SLC10A7: variants seen among roughly 807,000 people sequenced by gnomAD.
SLC10A7 encodes sodium/bile acid cotransporter 7.
SLC10A7 carries 29 observed loss-of-function variants against 43.2 expected under a neutral mutation model. That is an observed-to-expected ratio of 0.67 (90% CI 0.50 to 0.92). The LOEUF (loss-of-function observed/expected upper bound fraction) is 0.92, where lower values mean the gene tolerates loss of function less well. SLC10A7 is among the 40% of genes least tolerant of loss of function. The pLI is 0.00. For missense variants in SLC10A7, 295 were observed against 403.2 expected (o/e 0.73, Z 2.30); for synonymous variants, 152 against 144.8 (o/e 1.05, Z -0.35).
chr4:146,381,077 A>G (rs1381337180), intron 5 of SLC10A7, among the ~76,000 whole-genome samples: 2 of 152,080 alleles, frequency 1.3e-5, no homozygotes, highest in Non-Finnish European at 1.5e-5. Flanking sequence ...TAAAGCCCAT[A>G]CAATTTGGGG....
intron 9 of SLC10A7, among the ~76,000 whole-genome samples, chr4:146,288,206 T>C (rs776716977): frequency 1.3e-5 from 2 of 152,178 alleles, no homozygotes; most frequent in African/African-American, 2.4e-5. Context: ...TCCTCCTCAA[T>C]AGGGTTGACT....
intron 5 of SLC10A7, among the ~76,000 whole-genome samples, chr4:146,403,910 T>C (rs1268555332): frequency 6.6e-6 from 1 of 152,346 alleles, no homozygotes; most frequent in Middle Eastern, 3.4e-3. Context: ...AAGTCCATGA[T>C]GGCTTTGATA....
intron 9 of SLC10A7, among the ~76,000 whole-genome samples, chr4:146,287,214 G>T (rs972555156): frequency 5.3e-5 from 8 of 152,152 alleles, no homozygotes; most frequent in African/African-American, 1.9e-4. Context: ...TTGGACTGGT[G>T]AGAAGGACCG....
chr4:146,495,969 A>G (rs1327651111), intron 4 of SLC10A7, among the ~76,000 whole-genome samples: 1 of 152,230 alleles, frequency 6.6e-6, no homozygotes, highest in Non-Finnish European at 1.5e-5. Flanking sequence ...TTGCATTAAA[A>G]GAAGTACACT....
At position 146,293,176 on chromosome 4, in the gene SLC10A7, T is replaced by TC. The variant is rs1730557912; in HGVS notation, c.722-197dup. On this transcript the variant is annotated intron_variant, in intron 8 of 11. Coordinates refer to ENST00000335472, the MANE Select transcript of SLC10A7 (RefSeq NM_001029998.6). ...ACTCAGTCTGTTCTTATTGATGATA[T>TC]CCCCAGAAACAGTCTTTGTTATTGA... Among the ~76,000 whole-genome samples the TC allele has an allele frequency of 2.6e-5, 4 of 152,322 alleles. No homozygotes were observed. In the South Asian group the frequency reaches 8.3e-4, roughly 32 times the overall value.
At chr4:146,292,194 T>C (rs1458813661) in intron 9 of SLC10A7, among the ~76,000 whole-genome samples, 1 of 152,170 alleles carries the variant, frequency 6.6e-6, no homozygotes, top group Non-Finnish European at 1.5e-5. Flanking sequence ...ATAAACTTCA[T>C]TCTATAGGCA....
intron 5 of SLC10A7, among the ~76,000 whole-genome samples, chr4:146,364,504 AT>A (rs1260344005): frequency 6.6e-6 from 1 of 152,130 alleles, no homozygotes; most frequent in East Asian, 1.9e-4. Context: ...GGAAGACATT[AT>A]GATAAGTGAA....
At chr4:146,458,399 C>T (rs1177642059) in intron 4 of SLC10A7, among the ~76,000 whole-genome samples, 6 of 151,612 alleles carry the variant, frequency 4.0e-5, no homozygotes, top group Admixed American at 1.3e-4. Context: ...AAATCAGGAA[C>T]AAAGTTAGGA....
intron 5 of SLC10A7, among the ~76,000 whole-genome samples, chr4:146,398,609 T>C (rs1739001670): frequency 6.6e-6 from 1 of 152,200 alleles, no homozygotes; most frequent in South Asian, 2.1e-4. Context: ...CACAGCATGC[T>C]GGAATTACTA....
rs556274340 is a variant in SLC10A7 at position 146,318,418 on chromosome 4, C to T, written c.471+7543G>A. On this transcript the variant is annotated intron_variant, in intron 6 of 11. Transcript: ENST00000335472. ...GCAACTGAAGTAGTTGATCACTCTC[C>T]CCTTTTTGAAACACATTCTCTGCTA... is the stretch of plus-strand genomic sequence containing the variant. Among the ~76,000 whole-genome samples, 423 of 152,082 alleles carry T rather than the reference C, an allele frequency of 2.8e-3. 1 individual carries two copies. The highest frequency in any genetic ancestry group is 9.6e-3 in the African/African-American group (397 of 41,510).
At chr4:146,330,939 G>A (rs904247578) in intron 5 of SLC10A7, among the ~76,000 whole-genome samples, 4 of 152,042 alleles carry the variant, frequency 2.6e-5, no homozygotes, top group African/African-American at 9.7e-5. Flanking sequence ...AAGCAATTTA[G>A]GGCAGGTCTC....
At chr4:146,515,036 G>A (rs1042654380) in intron 2 of SLC10A7, 11 of 681,450 alleles carry the variant, frequency 1.6e-5, no homozygotes, top group Non-Finnish European at 2.7e-5. Flanking sequence ...GGTTTCTTAG[G>A]TGCTTACAAA....
intron 4 of SLC10A7, among the ~76,000 whole-genome samples, chr4:146,464,620 T>A (rs188098414): frequency 6.6e-6 from 1 of 151,996 alleles, no homozygotes; most frequent in Admixed American, 6.5e-5. Context: ...ATTATGTTCA[T>A]GTGATAATGT....
intron 4 of SLC10A7, among the ~76,000 whole-genome samples, chr4:146,492,636 C>G (rs755515952): frequency 6.6e-6 from 1 of 152,166 alleles, no homozygotes; most frequent in Non-Finnish European, 1.5e-5. Flanking sequence ...TCCCAAAGTG[C>G]TGGGATTACA....
chr4:146,483,512 T>C (rs1734664161), intron 4 of SLC10A7, among the ~76,000 whole-genome samples: 11 of 151,390 alleles, frequency 7.3e-5, no homozygotes, highest in Admixed American at 7.2e-4. Flanking sequence ...AGTATAGCAA[T>C]ATAGAAAATG....
chr4:146,393,331 C>A (rs1738587198), intron 5 of SLC10A7, among the ~76,000 whole-genome samples: 1 of 151,668 alleles, frequency 6.6e-6, no homozygotes, highest in Non-Finnish European at 1.5e-5. Context: ...GCATTATCTC[C>A]ATTTACAGAT....
chr4:146,440,217 G>A (rs1167655135), intron 5 of SLC10A7, among the ~76,000 whole-genome samples: 1 of 152,088 alleles, frequency 6.6e-6, no homozygotes, highest in African/African-American at 2.4e-5. Context: ...TGCTGGTATT[G>A]TGTTAGAATT....
intron 3 of SLC10A7, among the ~76,000 whole-genome samples, 170 bp from the exon 4 acceptor site, chr4:146,504,094 G>C (rs1028751582): frequency 6.6e-6 from 1 of 152,138 alleles, no homozygotes; most frequent in Non-Finnish European, 1.5e-5. Context: ...TGGCTTACAC[G>C]GTGCTGCAAA....
At chr4:146,348,596 C>T (rs114569260) in intron 5 of SLC10A7, among the ~76,000 whole-genome samples, 1 of 152,108 alleles carries the variant, frequency 6.6e-6, no homozygotes, top group Admixed American at 6.5e-5. Flanking sequence ...TTTTAAACAT[C>T]TAAGAGTCAT....
Sources: gnomAD v4.1 joint callset for allele counts (sites outside exome capture counted in the v4.1 genomes callset) on GRCh38, gnomAD v4.1.1 for gene constraint, MANE v1.5 for transcripts, NCBI Gene and HGNC (gene_info 2026-07-23, HGNC 2026-07-21) for gene names.